The following DPP10 variants were observed in gnomAD, a reference collection of about 807,000 sequenced individuals.
The protein encoded by DPP10 is inactive dipeptidyl peptidase 10.
Under a neutral mutation model 120.9 loss-of-function variants are expected in DPP10, and 33 were observed. That is an observed-to-expected ratio of 0.27 (90% CI 0.21 to 0.37). The LOEUF is 0.37. Ranked by LOEUF, DPP10 falls within the 10% of genes least tolerant of loss-of-function variation. The pLI, the probability that DPP10 is intolerant of heterozygous loss-of-function variation, is 1.00. For synonymous variants in DPP10, 337 were observed against 326.1 expected, an observed-to-expected ratio of 1.03 and a Z score of -0.36; for missense variants, 816 against 942.8, an observed-to-expected ratio of 0.87 and a Z score of 1.76.
chr2:115,747,230 G>T (rs563368444), intron 10 of DPP10, among the ~76,000 whole-genome samples: 1 of 152,148 alleles, frequency 6.6e-6, no homozygotes, highest in Admixed American at 6.5e-5. Context: ...GATAAGAAAA[G>T]TAGAAAATGA....
At position 115,098,163 on chromosome 2, in the gene DPP10, C is replaced by T. The variant is rs535184421; in HGVS notation, c.61-211076C>T. The stretch of plus-strand genomic sequence containing the variant: ...GGGTGCACACGCATGGTTGTCTTAC[C>T]TCTCCTTGGCTGAGGACAATTCCCA... On this transcript the variant is annotated intron_variant, in intron 1 of 25. Transcript: ENST00000410059. 2.0e-5 allele frequency among the ~76,000 whole-genome samples: 3 copies of T among 152,258 alleles called. No individual in the cohort carries two copies. In the East Asian group the frequency reaches 5.8e-4, roughly 29 times the overall value.
At chr2:115,267,168 C>T (rs2059496944) in intron 1 of DPP10, among the ~76,000 whole-genome samples, 1 of 152,224 alleles carries the variant, frequency 6.6e-6, no homozygotes, top group Admixed American at 6.5e-5. Context: ...GTTCTTGTGT[C>T]TTCTAGATTA....
At chr2:115,018,569 G>A (rs529856070) in intron 1 of DPP10, among the ~76,000 whole-genome samples, 1 of 152,128 alleles carries the variant, frequency 6.6e-6, no homozygotes, top group Non-Finnish European at 1.5e-5. Flanking sequence ...CAGGGACATG[G>A]ATGAAACTGG....
At chr2:115,748,615 CT>C (rs1043456136) in intron 10 of DPP10, among the ~76,000 whole-genome samples, 4 of 151,748 alleles carry the variant, frequency 2.6e-5, no homozygotes, top group Non-Finnish European at 5.9e-5. Flanking sequence ...ATCTTAGGTC[CT>C]TTTTTTGGTC....
intron 4 of DPP10, among the ~76,000 whole-genome samples, chr2:115,523,173 T>C (rs1383677449): frequency 1.3e-5 from 2 of 151,900 alleles, no homozygotes; most frequent in East Asian, 3.9e-4. Context: ...TTTCCCAGTT[T>C]GTGTGCTGCA....
chr2:114,550,817 T>C (rs78393854), intron 1 of DPP10, among the ~76,000 whole-genome samples: 197 of 152,292 alleles, frequency 1.3e-3, no homozygotes, highest in African/African-American at 4.6e-3. Flanking sequence ...GTTTCTACCT[T>C]TCTCTCACTT....
chr2:115,185,595 A>G (rs906513718), intron 1 of DPP10, among the ~76,000 whole-genome samples: 6 of 152,220 alleles, frequency 3.9e-5, no homozygotes, highest in African/African-American at 1.2e-4. Flanking sequence ...AATCTATGTT[A>G]AAACCACAAG....
intron 5 of DPP10, among the ~76,000 whole-genome samples, chr2:115,538,692 TA>T (rs2079011467): frequency 6.6e-6 from 1 of 152,036 alleles, no homozygotes; most frequent in Admixed American, 6.6e-5. Flanking sequence ...CAGCTCAGTA[TA>T]AATTCAGGCT....
chr2:115,171,716 TA>T (rs780856545), intron 1 of DPP10, among the ~76,000 whole-genome samples: 93 of 134,544 alleles, frequency 6.9e-4, no homozygotes, highest in Middle Eastern at 3.7e-3. Context: ...AGTATAACCT[TA>T]AAAAAAAAAA....
At chr2:114,706,850 G>A (rs185206703) in intron 1 of DPP10, among the ~76,000 whole-genome samples, 90 of 151,586 alleles carry the variant, frequency 5.9e-4, no homozygotes, top group African/African-American at 2.1e-3. Flanking sequence ...AAAGAAGAGT[G>A]TCATTTAAAG....
At chr2:115,359,758 A>C (rs1048633843) in intron 3 of DPP10, among the ~76,000 whole-genome samples, 11 of 152,124 alleles carry the variant, frequency 7.2e-5, no homozygotes, top group African/African-American at 2.7e-4. Flanking sequence ...ATTGCATAAT[A>C]GGCTTGGTTT....
At position 115,728,294 on chromosome 2, in the gene DPP10, A is replaced by T. The variant is rs1047938554; in HGVS notation, c.697+358A>T. ...AAACAGAAACCTTTATTTCTAAAAA[A>T]AAAAAAAAAAAATGCATAAAAAGCC... On this transcript the variant is annotated intron_variant, in intron 8 of 25. Coordinates refer to ENST00000410059, the MANE Select transcript of DPP10 (RefSeq NM_020868.6). Among the ~76,000 whole-genome samples, 38 of 151,844 alleles carry T rather than the reference A, an allele frequency of 2.5e-4. 1 individual carries two copies. Among genetic ancestry groups the T allele is most frequent in the African/African-American group, 8.7e-4 (36 of 41,478 alleles).
At chr2:115,290,640 A>G (rs1379600796) in intron 1 of DPP10, among the ~76,000 whole-genome samples, 1 of 152,130 alleles carries the variant, frequency 6.6e-6, no homozygotes, top group African/African-American at 2.4e-5. Context: ...TTAAGTGGAG[A>G]TGATTGTCTT....
intron 1 of DPP10, among the ~76,000 whole-genome samples, chr2:115,270,384 G>C (rs984236684): frequency 6.6e-6 from 1 of 152,030 alleles, no homozygotes; most frequent in Admixed American, 6.6e-5. Flanking sequence ...TGAACCATCA[G>C]ATCAGGAGCA....
chr2:115,810,259 A>T (rs1476203752), intron 19 of DPP10, among the ~76,000 whole-genome samples: 1 of 152,154 alleles, frequency 6.6e-6, no homozygotes, highest in Non-Finnish European at 1.5e-5. Flanking sequence ...AAATAAAAAA[A>T]CCAATTAATT....
intron 1 of DPP10, among the ~76,000 whole-genome samples, chr2:114,897,275 C>G (rs1178295250): frequency 6.6e-6 from 1 of 152,144 alleles, no homozygotes; most frequent in Non-Finnish European, 1.5e-5. Context: ...AGGATTCCCT[C>G]TTTTTCTATT....
chr2:115,190,250 G>A (rs1042736308), intron 1 of DPP10, among the ~76,000 whole-genome samples: 2 of 152,016 alleles, frequency 1.3e-5, no homozygotes. Context: ...TTTGATCTTG[G>A]GTTTTAAATT....
intron 5 of DPP10, among the ~76,000 whole-genome samples, chr2:115,626,433 C>G (rs2085367271): frequency 6.6e-6 from 1 of 152,066 alleles, no homozygotes; most frequent in Non-Finnish European, 1.5e-5. Context: ...AAAACTCCAT[C>G]TTAAATTCAT....
chr2:115,780,838 A>G, intron 15 of DPP10, 36 bp from the exon 16 acceptor site: 1 of 1,583,922 alleles, frequency 6.3e-7, no homozygotes, highest in South Asian at 1.2e-5. Flanking sequence ...CTAGAATAGT[A>G]GCATTTCTAT....
Sources: gnomAD v4.1 joint callset for allele counts (sites outside exome capture counted in the v4.1 genomes callset) on GRCh38, gnomAD v4.1.1 for gene constraint, MANE v1.5 for transcripts, NCBI Gene and HGNC (gene_info 2026-07-23, HGNC 2026-07-21) for gene names.